The following PPP1R36 variants were observed in gnomAD, a reference collection of about 807,000 sequenced individuals.
The protein encoded by PPP1R36 is chromosome 14 open reading frame 50.
PPP1R36 carries 47 observed loss-of-function variants against 53.4 expected under a neutral mutation model. The observed-to-expected ratio is 0.88, with a 90% confidence interval of 0.70 to 1.12. The LOEUF is 1.12. Among genes scored for constraint, PPP1R36 ranks in the 50% most tolerant of loss-of-function variants. The pLI, the probability that PPP1R36 is intolerant of heterozygous loss-of-function variation, is 0.00. For synonymous variants in PPP1R36, 153 were observed against 170.5 expected (o/e 0.90, Z 0.80); for missense variants, 456 against 513.9 (o/e 0.89, Z 1.09).
chr14:64,559,757 TA>T (rs2080189630), intron 3 of PPP1R36, among the ~76,000 whole-genome samples: 1 of 152,308 alleles, frequency 6.6e-6, no homozygotes, highest in Admixed American at 6.5e-5. Context: ...ATTGGAACTT[TA>T]TTTAGATGGC....
chr14:64,552,269 A>AC (rs2080100167), intron 2 of PPP1R36, among the ~76,000 whole-genome samples: 1 of 152,120 alleles, frequency 6.6e-6, no homozygotes, highest in South Asian at 2.1e-4. Context: ...CGGGCAGATC[A>AC]CCTGAGGTCG....
At chr14:64,577,249 C>T (rs2080349265) in intron 8 of PPP1R36, among the ~76,000 whole-genome samples, 1 of 152,170 alleles carries the variant, frequency 6.6e-6, no homozygotes. Flanking sequence ...TAATTACTTC[C>T]AAAGGCCTCA....
Position 64,574,563 on chromosome 14 carries a change from G to A in PPP1R36, c.642G>A (p.Pro214=), listed in dbSNP as rs756142230. The change falls in exon 8 of 12, where the codon CCG becomes CCA. Residue 214 remains proline (P), a synonymous_variant. Transcript: ENST00000298705. ...TCCTTGTGCTGGGCTTGGCCGTGCCGGATAAGCATCACATGTGCTGTGGAA... is the reference window on the plus strand; with the variant it reads ...TCCTTGTGCTGGGCTTGGCCGTGCCAGATAAGCATCACATGTGCTGTGGAA... ...YCILVLGLAV[P]DKHHMCCGKE... 6.2e-6 allele frequency: 10 copies of A among 1,613,582 alleles called. No homozygotes were observed. Among genetic ancestry groups the A allele is most frequent in the South Asian group, 3.3e-5 (3 of 91,000 alleles).
chr14:64,564,947 G>A (rs867803929), intron 4 of PPP1R36, 110 bp downstream of exon 4: 10 of 696,406 alleles, frequency 1.4e-5, no homozygotes, highest in South Asian at 3.7e-5. Context: ...AGGTCGCAAT[G>A]CGAATACCCA....
intron 6 of PPP1R36, among the ~76,000 whole-genome samples, chr14:64,566,060 G>A (rs2080252079): frequency 6.6e-6 from 1 of 152,226 alleles, no homozygotes; most frequent in African/African-American, 2.4e-5. Context: ...ACAAGGTCAG[G>A]AGTTTGAGAC....
At position 64,561,651 on chromosome 14, in the gene PPP1R36, G is replaced by C. The variant is rs1229754853; in HGVS notation, c.183-3100G>C. 1.3e-5 allele frequency: 5 copies of C among 384,386 alleles called. No individual in the cohort carries two copies. The East Asian group carries it at 3.7e-4, about 28-fold the overall frequency. 23.8% of individuals were successfully genotyped at this position (384,386 alleles called of 1,614,324 possible). A position where few individuals can be genotyped will look rare whatever the true frequency, so the allele number is the denominator to read the frequency against. On this transcript the variant is annotated intron_variant, in intron 3 of 11. Coordinates refer to ENST00000298705, the MANE Select transcript of PPP1R36 (RefSeq NM_172365.3). ...AGAAGTAAATGAGGGTGCTGGTATA[G>C]TTCATCAGCATGCATGCCCATTTCT...
chr14:64,562,925 G>A (rs2080216198), intron 3 of PPP1R36, among the ~76,000 whole-genome samples: 1 of 152,124 alleles, frequency 6.6e-6, no homozygotes, highest in African/African-American at 2.4e-5. Flanking sequence ...GGAGTGAAAT[G>A]GCATGATCTC....
intron 10 of PPP1R36, 33 bp from the exon 11 acceptor site, chr14:64,588,071 A>T (rs1212697727): frequency 1.1e-5 from 17 of 1,556,136 alleles, no homozygotes; most frequent in Non-Finnish European, 1.4e-5. Flanking sequence ...AAACAGGGTG[A>T]TATGACCTAA....
intron 4 of PPP1R36, 28 bp downstream of exon 4, chr14:64,564,865 G>A (rs780751361): frequency 1.4e-6 from 2 of 1,450,738 alleles, no homozygotes; most frequent in African/African-American, 1.4e-5. Flanking sequence ...TCATGCCAGA[G>A]TTGCTGATAG....
At position 64,549,963 on chromosome 14, in the gene PPP1R36, C is replaced by T. The variant is rs956694235; in HGVS notation, c.-35C>T. 6.5e-7 allele frequency: 1 copy of T among 1,540,364 alleles called. No homozygotes were observed. Among genetic ancestry groups the T allele is most frequent in the Non-Finnish European group, 8.8e-7 (1 of 1,138,142 alleles). Reference sequence around the variant, plus strand: ...GTGTGCAGGCGCCTGCGGGCGGTATCCTCGGCGACGCCGTATGGCTTCCAG... The same window carrying T: ...GTGTGCAGGCGCCTGCGGGCGGTATTCTCGGCGACGCCGTATGGCTTCCAG... On this transcript the variant is annotated 5_prime_UTR_variant, in exon 1 of 12. Transcript: ENST00000298705.
At chr14:64,565,103 T>G in intron 4 of PPP1R36, among the ~76,000 whole-genome samples, 1 of 152,374 alleles carries the variant, frequency 6.6e-6, no homozygotes, top group Middle Eastern at 3.4e-3. Flanking sequence ...CCAGAACAGA[T>G]GATTTAAATG....
chr14:64,576,059 G>A (rs1259992542), intron 8 of PPP1R36, among the ~76,000 whole-genome samples: 1 of 145,662 alleles, frequency 6.9e-6, no homozygotes, highest in Non-Finnish European at 1.5e-5. Context: ...GCTTAAAGAT[G>A]TTTTATTTGA....
At position 64,587,448 on chromosome 14, in the gene PPP1R36, C is replaced by CTTTTTTTTTTTTTT. The variant is rs10708900; in HGVS notation, c.890+93_890+106dup. ...CCTTTCTTTTCTTTTCTTTTTTCTC[C>CTTTTTTTTTTTTTT]TTTTTTTTTTTTTTTTTTTTTTTTT... On this transcript the variant is annotated intron_variant, in intron 10 of 11. Transcript: ENST00000298705. The CTTTTTTTTTTTTTT allele has an allele frequency of 2.3e-4, 25 of 111,014 alleles. 1 individual carries two copies. Among genetic ancestry groups the CTTTTTTTTTTTTTT allele is most frequent in the Non-Finnish European group, 2.5e-4 (18 of 72,328 alleles). 6.9% of individuals were successfully genotyped at this position (111,014 alleles called of 1,614,324 possible). A position where few individuals can be genotyped will look rare whatever the true frequency, so the allele number is the denominator to read the frequency against.
At chr14:64,586,967 A>C in intron 9 of PPP1R36, 88 bp downstream of exon 9, 1 of 1,103,166 alleles carries the variant, frequency 9.1e-7, no homozygotes, top group Non-Finnish European at 1.4e-6. Context: ...ATTTTTAGTG[A>C]ATATCCTTTC....
intron 8 of PPP1R36, among the ~76,000 whole-genome samples, chr14:64,575,403 T>C (rs1251827143): frequency 6.6e-6 from 1 of 152,218 alleles, no homozygotes; most frequent in African/African-American, 2.4e-5. Context: ...TCTGACTATG[T>C]GATTTCACTT....
At chr14:64,579,196 G>A (rs1275088640) in intron 8 of PPP1R36, among the ~76,000 whole-genome samples, 5 of 152,050 alleles carry the variant, frequency 3.3e-5, no homozygotes, top group African/African-American at 7.2e-5. Flanking sequence ...GTGATAATAC[G>A]TACAACAAAC....
chr14:64,586,355 G>C (rs1424844752), intron 8 of PPP1R36: 1 of 152,980 alleles, frequency 6.5e-6, no homozygotes, highest in Non-Finnish European at 1.5e-5. Context: ...CCCATCAGAA[G>C]GAGGAGCACA....
intron 10 of PPP1R36, 85 bp from the exon 11 acceptor site, chr14:64,588,019 C>T (rs2080449882): frequency 1.5e-6 from 2 of 1,297,602 alleles, no homozygotes; most frequent in Non-Finnish European, 2.1e-6. Flanking sequence ...GTTGGGATTA[C>T]AGGCATGAGC....
chr14:64,561,993 A>G, intron 3 of PPP1R36: 1 of 335,252 alleles, frequency 3.0e-6, no homozygotes, highest in Admixed American at 3.9e-5. Flanking sequence ...TGGATTCTAG[A>G]GAGAAAATAT....
Sources: allele counts gnomAD v4.1 joint callset (sites outside exome capture counted in the v4.1 genomes callset), GRCh38; gene constraint gnomAD v4.1.1; transcripts MANE v1.5; gene names NCBI Gene and HGNC (gene_info 2026-07-23, HGNC 2026-07-21).